The following SLA2 variants were observed in gnomAD, a reference collection of about 807,000 sequenced individuals.
The protein encoded by SLA2 is src-like-adapter 2.
SLA2 carries 22 observed loss-of-function variants against 27.3 expected under a neutral mutation model. The ratio of observed to expected loss-of-function variants is 0.81; its 90% confidence interval spans 0.58 to 1.15. SLA2 has a LOEUF of 1.15. Among genes scored for constraint, SLA2 ranks in the 50% most tolerant of loss-of-function variants. SLA2 has a pLI of 0.00. For missense variants in SLA2, 304 were observed against 322.2 expected, an observed-to-expected ratio of 0.94 and a Z score of 0.43; for synonymous variants, 131 against 137.8, an observed-to-expected ratio of 0.95 and a Z score of 0.34.
At chr20:36,619,297 G>A (rs2039253087) in intron 5 of SLA2, among the ~76,000 whole-genome samples, 1 of 151,184 alleles carries the variant, frequency 6.6e-6, no homozygotes, top group Non-Finnish European at 1.5e-5. Flanking sequence ...AGGCTAAGGT[G>A]GGTGGATCAC....
intron 5 of SLA2, among the ~76,000 whole-genome samples, chr20:36,631,651 A>G (rs574817301): frequency 6.6e-6 from 1 of 152,116 alleles, no homozygotes; most frequent in Non-Finnish European, 1.5e-5. Flanking sequence ...ATCACTGTGG[A>G]TCTCAAATAG....
chr20:36,615,286 C>T lies in SLA2; in HGVS notation c.471G>A (p.Trp157Ter). Residue 157 changes from tryptophan to a stop codon, truncating the protein, a stop_gained, in exon 6 of 8, where the codon TGG becomes TGA. Coordinates refer to ENST00000262866, the MANE Select transcript of SLA2 (RefSeq NM_032214.4). LOFTEE classifies it high-confidence loss of function. ...HYRIHCLDNG[W>*]LYISPRLTFP... ...AGGTGAGGCGCGGTGAGATGTACAG[C>T]CAGCCATTGTCAAGGCAGTGGATCC... 6.2e-7 allele frequency: 1 copy of T among 1,614,066 alleles called. No homozygotes were observed. Among genetic ancestry groups the T allele is most frequent in the South Asian group, 1.1e-5 (1 of 91,092 alleles).
intron 5 of SLA2, chr20:36,621,456 T>G: frequency 6.8e-6 from 3 of 441,590 alleles, no homozygotes; most frequent in Admixed American, 2.7e-5. Context: ...TGTTGTTTTT[T>G]TTTTGAGACG....
intron 2 of SLA2, among the ~76,000 whole-genome samples, chr20:36,637,099 G>A (rs982664102): frequency 1.3e-5 from 2 of 151,680 alleles, no homozygotes; most frequent in Non-Finnish European, 2.9e-5. Flanking sequence ...TGGCTCATCA[G>A]TGTTTGCTTG....
chr20:36,633,584 C>T lies in SLA2; in HGVS notation c.237G>A (p.Glu79=), dbSNP rs752924724. The T allele has an allele frequency of 1.9e-6, 3 of 1,614,136 alleles. No individual in the cohort carries two copies. Among genetic ancestry groups the T allele is most frequent in the Middle Eastern group, 1.6e-4 (1 of 6,062 alleles). Reference sequence around the variant, plus strand: ...CCACGTGGACGCTGGGGATGTTATACTCTCTGCCTGAGACTTCAGACAGCA... The same window carrying T: ...CCACGTGGACGCTGGGGATGTTATATTCTCTGCCTGAGACTTCAGACAGCA... ...WTVLSEVSGR[E]YNIPSVHVAK... Residue 79 remains glutamate, a synonymous_variant, in exon 4 of 8, where the codon GAG becomes GAA. Coordinates refer to ENST00000262866, the MANE Select transcript of SLA2 (RefSeq NM_032214.4).
At chr20:36,632,499 C>A in intron 5 of SLA2, 96 bp downstream of exon 5, 2 of 936,462 alleles carry the variant, frequency 2.1e-6, no homozygotes, top group South Asian at 2.9e-5. Context: ...TCAGGCAAAG[C>A]CTATTTTCTG....
chr20:36,643,088 CA>C (rs1474721458), intron 1 of SLA2, among the ~76,000 whole-genome samples: 1 of 152,198 alleles, frequency 6.6e-6, no homozygotes, highest in Non-Finnish European at 1.5e-5. Context: ...TGCATGAGGA[CA>C]AAGACTTCTT....
chr20:36,618,747 A>G (rs534255691), intron 5 of SLA2, among the ~76,000 whole-genome samples: 2 of 151,654 alleles, frequency 1.3e-5, no homozygotes, highest in East Asian at 2.0e-4. Flanking sequence ...TCTGTACTAA[A>G]AATATAAAAT....
chr20:36,635,118 A>G (rs1300223015), intron 2 of SLA2, among the ~76,000 whole-genome samples: 1 of 151,734 alleles, frequency 6.6e-6, no homozygotes, highest in East Asian at 1.9e-4. Flanking sequence ...CGGCAAGGGC[A>G]CCCTCAGCAC....
At chr20:36,643,876 T>C (rs181428499) in intron 1 of SLA2, among the ~76,000 whole-genome samples, 1 of 152,224 alleles carries the variant, frequency 6.6e-6, no homozygotes, top group Non-Finnish European at 1.5e-5. Flanking sequence ...CACTTGAACC[T>C]GGGAGGCAGG....
intron 5 of SLA2, among the ~76,000 whole-genome samples, chr20:36,630,286 G>A (rs1295881335): frequency 1.3e-5 from 2 of 152,218 alleles, no homozygotes; most frequent in Admixed American, 1.3e-4. Flanking sequence ...AAAATAGCAG[G>A]AGGGGCCTCA....
chr20:36,619,360 T>C (rs935446932), intron 5 of SLA2, among the ~76,000 whole-genome samples: 4 of 149,786 alleles, frequency 2.7e-5, no homozygotes, highest in Non-Finnish European at 5.9e-5. Context: ...ACCCCATCTC[T>C]ACTAAAAATA....
intron 5 of SLA2, among the ~76,000 whole-genome samples, chr20:36,617,644 T>C (rs1363422324): frequency 6.7e-6 from 1 of 150,176 alleles, no homozygotes; most frequent in East Asian, 2.0e-4. Flanking sequence ...GATCACAAGG[T>C]CAGGAGATCA....
intron 1 of SLA2, among the ~76,000 whole-genome samples, chr20:36,642,267 C>T (rs986931245): frequency 1.5e-5 from 1 of 67,248 alleles, no homozygotes; most frequent in African/African-American, 5.5e-5. Flanking sequence ...GCCACTTCCC[C>T]TCTCTGTGCC....
rs374254757 is a variant in SLA2 at position 36,638,155 on chromosome 20, C to T, written c.91+3090G>A. On this transcript the variant is annotated intron_variant, in intron 2 of 7. Coordinates refer to ENST00000262866, the MANE Select transcript of SLA2 (RefSeq NM_032214.4). Reference sequence around the variant, plus strand: ...ATCCGCCCTCCTCAGCCTCTTAAAGCGCTGGGATTACAGGCATGCGCCTGG... The same window carrying T: ...ATCCGCCCTCCTCAGCCTCTTAAAGTGCTGGGATTACAGGCATGCGCCTGG... Among the ~76,000 whole-genome samples the T allele has an allele frequency of 4.2e-4, 63 of 151,534 alleles. 1 individual carries two copies. Among genetic ancestry groups the T allele is most frequent in the Non-Finnish European group, 7.5e-4 (51 of 67,892 alleles).
chr20:36,636,623 A>AAAAATATAT (rs1387991352), intron 2 of SLA2, among the ~76,000 whole-genome samples: 1 of 114,708 alleles, frequency 8.7e-6, no homozygotes, highest in African/African-American at 4.0e-5. Context: ...AAAAAAAAAA[A>AAAAATATAT]ATATATATAT....
chr20:36,640,125 T>C (rs978663063), intron 2 of SLA2, among the ~76,000 whole-genome samples: 1 of 151,172 alleles, frequency 6.6e-6, no homozygotes, highest in African/African-American at 2.4e-5. Context: ...CTGGGCAACA[T>C]AGGGAGACTC....
chr20:36,636,427 C>CAAAAA (rs71186007), intron 2 of SLA2, among the ~76,000 whole-genome samples: 1 of 61,434 alleles, frequency 1.6e-5, no homozygotes, highest in African/African-American at 7.0e-5. Flanking sequence ...GACTCCGTCT[C>CAAAAA]AAAAAAAAAA....
intron 3 of SLA2, among the ~76,000 whole-genome samples, chr20:36,634,011 CAG>C (rs2039418787): frequency 6.6e-6 from 1 of 151,582 alleles, no homozygotes; most frequent in Non-Finnish European, 1.5e-5. Flanking sequence ...TTTTTTGAGA[CAG>C]AGTTTTGCTC....
Sources: gnomAD v4.1 joint callset for allele counts (sites outside exome capture counted in the v4.1 genomes callset) on GRCh38, gnomAD v4.1.1 for gene constraint, MANE v1.5 for transcripts, NCBI Gene and HGNC (gene_info 2026-07-23, HGNC 2026-07-21) for gene names.